CDH11: variants seen among roughly 807,000 people sequenced by gnomAD.
The protein encoded by CDH11 is cadherin-11.
Under a neutral mutation model 67.8 loss-of-function variants are expected in CDH11, and 11 were observed. That is an observed-to-expected ratio of 0.16 (90% CI 0.10 to 0.27). The LOEUF is 0.27. Ranked by LOEUF, CDH11 falls within the 10% of genes least tolerant of loss-of-function variation. The probability of loss-of-function intolerance (pLI) is 1.00; values close to 1 mark genes in which losing one functional copy is unlikely to be tolerated. For missense variants in CDH11, 847 were observed against 1,031.2 expected, an observed-to-expected ratio of 0.82 and a Z score of 2.45; for synonymous variants, 419 against 400.0, an observed-to-expected ratio of 1.05 and a Z score of -0.57.
At chr16:65,016,314 A>G (rs1289410688) in intron 2 of CDH11, among the ~76,000 whole-genome samples, 1 of 152,184 alleles carries the variant, frequency 6.6e-6, no homozygotes, top group African/African-American at 2.4e-5. Flanking sequence ...GTTTATCAAA[A>G]GTAATGGGAT....
At chr16:65,120,558 T>C (rs1200251884) in intron 1 of CDH11, among the ~76,000 whole-genome samples, 1 of 152,174 alleles carries the variant, frequency 6.6e-6, no homozygotes, top group Non-Finnish European at 1.5e-5. Flanking sequence ...TAGTGAAATC[T>C]ATACCCTCAT....
intron 2 of CDH11, among the ~76,000 whole-genome samples, chr16:65,014,943 C>A (rs1271159191): frequency 6.6e-6 from 1 of 151,542 alleles, no homozygotes; most frequent in Non-Finnish European, 1.5e-5. Context: ...GCAACCTCCA[C>A]CTCCTGGGTT....
intron 2 of CDH11, among the ~76,000 whole-genome samples, chr16:65,007,403 A>C (rs1335316766): frequency 6.6e-6 from 1 of 152,172 alleles, no homozygotes; most frequent in Non-Finnish European, 1.5e-5. Context: ...GGAGAGAGAG[A>C]AAGATGGAAA....
intron 2 of CDH11, among the ~76,000 whole-genome samples, chr16:65,021,758 C>A (rs2073429413): frequency 6.7e-6 from 1 of 150,084 alleles, no homozygotes. Flanking sequence ...AAGTATTTTC[C>A]CAAGTAAAAC....
chr16:65,053,758 A>T (rs1233783700), intron 2 of CDH11, 46 bp downstream of exon 2: 1 of 452,704 alleles, frequency 2.2e-6, no homozygotes, highest in Non-Finnish European at 4.5e-6. Context: ...CCATCTTGAC[A>T]TACATAGTAA....
intron 1 of CDH11, among the ~76,000 whole-genome samples, chr16:65,092,797 A>G (rs1478423123): frequency 1.3e-5 from 2 of 152,080 alleles, no homozygotes; most frequent in African/African-American, 2.4e-5. Context: ...AAAAAAAAAA[A>G]AAGTGCCTTG....
intron 1 of CDH11, among the ~76,000 whole-genome samples, chr16:65,095,932 G>T (rs750540343): frequency 2.6e-5 from 4 of 152,122 alleles, no homozygotes; most frequent in Non-Finnish European, 2.9e-5. Flanking sequence ...CCTTGAGATG[G>T]TGCCATCTAT....
chr16:65,090,376 C>A (rs2074773543), intron 1 of CDH11, among the ~76,000 whole-genome samples: 1 of 152,090 alleles, frequency 6.6e-6, no homozygotes, highest in African/African-American at 2.4e-5. Flanking sequence ...TGCCCCTTAT[C>A]ACCATTACCA....
chr16:64,947,112 A>T lies in CDH11; in HGVS notation c.*491T>A, dbSNP rs911441855. 1 of 1,028,480 alleles carries T rather than the reference A, an allele frequency of 9.7e-7. No individual in the cohort carries two copies. Among genetic ancestry groups the T allele is most frequent in the Admixed American group, 5.2e-5 (1 of 19,204 alleles). 63.7% of individuals were successfully genotyped at this position (1,028,480 alleles called of 1,614,324 possible). ...GAGACATAATTGTACATTGTATTGT[A>T]CATACATTGTATGGGTTTAAGCTGG... On this transcript the variant is annotated 3_prime_UTR_variant, in exon 13 of 13. Coordinates refer to ENST00000268603, the MANE Select transcript of CDH11 (RefSeq NM_001797.4).
chr16:65,072,010 G>A (rs2074425728), intron 1 of CDH11: 1 of 152,256 alleles, frequency 6.6e-6, no homozygotes, highest in Admixed American at 6.5e-5. Flanking sequence ...CTGGCAGATG[G>A]AGAGGCCAGG....
At chr16:65,005,766 C>T (rs2142532091) in intron 2 of CDH11, among the ~76,000 whole-genome samples, 1 of 152,282 alleles carries the variant, frequency 6.6e-6, no homozygotes, top group South Asian at 2.1e-4. Context: ...AAGATCCTAC[C>T]TTGCTTAGCC....
chr16:64,995,291 C>G (rs1338782147), intron 4 of CDH11, among the ~76,000 whole-genome samples: 2 of 151,940 alleles, frequency 1.3e-5, no homozygotes, highest in African/African-American at 4.8e-5. Flanking sequence ...TCAAAGCAAT[C>G]CTAAGCAAAA....
chr16:64,946,593 T>C lies in CDH11; in HGVS notation c.*1010A>G. Reference sequence around the variant, plus strand: ...GAATGTACAAAAAAGCTTTACATGATGTTACAGAATCTTGTCTGAAAAAAC... The same window carrying C: ...GAATGTACAAAAAAGCTTTACATGACGTTACAGAATCTTGTCTGAAAAAAC... On this transcript the variant is annotated 3_prime_UTR_variant, in exon 13 of 13. Coordinates refer to ENST00000268603, the MANE Select transcript of CDH11 (RefSeq NM_001797.4). 1 of 1,033,328 alleles carries C rather than the reference T, an allele frequency of 9.7e-7. No homozygotes were observed. Among genetic ancestry groups the C allele is most frequent in the East Asian group, 6.0e-5 (1 of 16,540 alleles). 64.0% of individuals were successfully genotyped at this position (1,033,328 alleles called of 1,614,324 possible).
intron 6 of CDH11, among the ~76,000 whole-genome samples, chr16:64,989,209 G>T (rs1351438147): frequency 6.6e-6 from 1 of 152,060 alleles, no homozygotes; most frequent in Non-Finnish European, 1.5e-5. Flanking sequence ...GGGTGTGTAA[G>T]TGCATGATTG....
intron 2 of CDH11, among the ~76,000 whole-genome samples, chr16:65,037,272 G>A (rs1384615984): frequency 6.6e-6 from 1 of 152,134 alleles, no homozygotes; most frequent in African/African-American, 2.4e-5. Flanking sequence ...GAGAACTGGA[G>A]ACAAAATTCC....
intron 1 of CDH11, among the ~76,000 whole-genome samples, chr16:65,087,172 T>G (rs529866940): frequency 6.6e-6 from 1 of 152,288 alleles, no homozygotes; most frequent in Non-Finnish European, 1.5e-5. Context: ...ACACAGGTAT[T>G]GCTTCCTCCA....
intron 2 of CDH11, among the ~76,000 whole-genome samples, chr16:65,015,894 C>A (rs2073295872): frequency 6.6e-6 from 1 of 152,104 alleles, no homozygotes; most frequent in Non-Finnish European, 1.5e-5. Flanking sequence ...ATCACCACTG[C>A]CAAGAGCCTT....
chr16:64,969,722 G>A (rs1002298583), intron 11 of CDH11, among the ~76,000 whole-genome samples: 11 of 151,300 alleles, frequency 7.3e-5, no homozygotes, highest in African/African-American at 2.7e-4. Flanking sequence ...AGATGTATAC[G>A]TATCTTAGAA....
In CDH11 at chr16:64,998,874, T is replaced by G. The variant is rs114755514; in HGVS notation, c.229-18A>C. 7 of 1,608,716 alleles carry G rather than the reference T, an allele frequency of 4.4e-6. No individual in the cohort carries two copies. Among genetic ancestry groups the G allele is most frequent in the African/African-American group, 2.7e-5 (2 of 74,678 alleles). On this transcript the variant is annotated intron_variant, in intron 3 of 12. Transcript: ENST00000268603. ...GAATGAAGCTGGAAGAAAGAGAAATTGAGATTTTTAATTCCATGAGGAAAG... is the reference window on the plus strand; with the variant it reads ...GAATGAAGCTGGAAGAAAGAGAAATGGAGATTTTTAATTCCATGAGGAAAG...
Sources: allele counts gnomAD v4.1 joint callset (sites outside exome capture counted in the v4.1 genomes callset), GRCh38; gene constraint gnomAD v4.1.1; transcripts MANE v1.5; gene names NCBI Gene and HGNC (gene_info 2026-07-23, HGNC 2026-07-21).